Variants in LRFN2 observed in about 807,000 individuals in gnomAD.
The protein encoded by LRFN2 is leucine rich repeat and fibronectin type III domain containing 2.
LRFN2 carries 18 observed loss-of-function variants against 37.3 expected under a neutral mutation model. The observed-to-expected ratio is 0.48, with a 90% confidence interval of 0.33 to 0.72. LRFN2 has a LOEUF of 0.72. Ranked by LOEUF, LRFN2 falls within the 30% of genes least tolerant of loss-of-function variation. The pLI is 0.02. For missense variants in LRFN2, 1,006 were observed against 1,060.7 expected (o/e 0.95, Z 0.72); for synonymous variants, 556 against 466.6 (o/e 1.19, Z -2.47).
chr6:40,539,972 A>G (rs1257812561), intron 1 of LRFN2, among the ~76,000 whole-genome samples: 1 of 152,102 alleles, frequency 6.6e-6, no homozygotes, highest in African/African-American at 2.4e-5. Context: ...GAGAGAACAG[A>G]GGCTGTAATG....
chr6:40,432,868 G>T lies in LRFN2; in HGVS notation c.246C>A (p.Thr82=), dbSNP rs767578975. 6.2e-7 allele frequency: 1 copy of T among 1,614,118 alleles called. No individual in the cohort carries two copies. Among genetic ancestry groups the T allele is most frequent in the Admixed American group, 1.7e-5 (1 of 60,008 alleles). The change falls in exon 2 of 3, where the codon ACC becomes ACA. Residue 82 remains threonine (T), a synonymous_variant. Transcript: ENST00000338305. The part of the protein sequence containing the change: ...FANMTGLVDL[T]LSRNTISHIQ... ...TGTGGCTGATGGTGTTCCTGGACAG[G>T]GTCAGGTCCACCAGCCCCGTCATGT...
At chr6:40,520,298 A>G (rs1766021603) in intron 1 of LRFN2, among the ~76,000 whole-genome samples, 2 of 152,094 alleles carry the variant, frequency 1.3e-5, no homozygotes, top group South Asian at 4.2e-4. Flanking sequence ...GCTGGGAGAC[A>G]GGACAGGCAG....
chr6:40,514,040 C>G (rs1270986740), intron 1 of LRFN2, among the ~76,000 whole-genome samples: 1 of 151,740 alleles, frequency 6.6e-6, no homozygotes, highest in South Asian at 2.1e-4. Context: ...CAGCACTATC[C>G]AACCGGCTGG....
At chr6:40,584,751 G>A (rs943167168) in intron 1 of LRFN2, among the ~76,000 whole-genome samples, 1 of 151,782 alleles carries the variant, frequency 6.6e-6, no homozygotes, top group African/African-American at 2.4e-5. Context: ...AAGGAGAGCA[G>A]AACCTGCTCA....
Position 40,392,101 on chromosome 6 carries a change from C to A in LRFN2, c.2212G>T (p.Val738Leu). 1 of 1,613,284 alleles carries A rather than the reference C, an allele frequency of 6.2e-7. No homozygotes were observed. The highest frequency in any genetic ancestry group is 1.1e-5 in the South Asian group (1 of 90,968). ...CGAGGAGGACTGTAGCCGCCCGGCA[C>A]GACCCCTCCCGCCGCCGCAGCAGCA... ...DFAAAAAGGV[V>L]PGGYSPPRKV... The change falls in exon 3 of 3, where the codon GTG becomes TTG. Residue 738 changes from valine to leucine, a missense_variant. Val to Leu is a conservative substitution (Grantham distance 32). This residue lies in a region of LRFN2 where 398 missense variants were observed against 327.6 expected (regional missense o/e 1.21). Coordinates refer to ENST00000338305, the MANE Select transcript of LRFN2 (RefSeq NM_020737.3). The surrounding 1 kb of genome is among the most constrained non-coding windows in gnomAD (Gnocchi z 4.7).
chr6:40,518,921 A>G (rs1465078284), intron 1 of LRFN2, among the ~76,000 whole-genome samples: 1 of 152,174 alleles, frequency 6.6e-6, no homozygotes, highest in Non-Finnish European at 1.5e-5. Flanking sequence ...TTCCAGGCAG[A>G]GGAAATGGAA....
intron 1 of LRFN2, among the ~76,000 whole-genome samples, chr6:40,526,746 C>G (rs1309160639): frequency 6.6e-6 from 1 of 152,170 alleles, no homozygotes; most frequent in Non-Finnish European, 1.5e-5. Flanking sequence ...ATCTCTTGTC[C>G]CTGCACACCC....
intron 2 of LRFN2, among the ~76,000 whole-genome samples, chr6:40,430,890 T>C (rs1348192485): frequency 6.6e-6 from 1 of 152,082 alleles, no homozygotes; most frequent in East Asian, 1.9e-4. Context: ...GGGCTCTAAG[T>C]AGGCTCTAGG....
chr6:40,548,396 G>A (rs191598616), intron 1 of LRFN2, among the ~76,000 whole-genome samples: 2,657 of 151,070 alleles, frequency 0.018, 64 homozygotes, highest in African/African-American at 0.059. Context: ...AGCAGAGATC[G>A]TGCCATTGCA....
At chr6:40,529,421 T>G (rs556384600) in intron 1 of LRFN2, among the ~76,000 whole-genome samples, 1 of 152,366 alleles carries the variant, frequency 6.6e-6, no homozygotes, top group Non-Finnish European at 1.5e-5. Flanking sequence ...CCAAACTGCC[T>G]ACCATGCTAT....
Position 40,515,347 on chromosome 6 carries a change from C to T in LRFN2, c.-19+71594G>A, listed in dbSNP as rs190631680. ...ACCTGGTTCCTGAAAACAGCAGACCCAGGAGACAAAATGAGCAGAATACAT... is the reference window on the plus strand; with the variant it reads ...ACCTGGTTCCTGAAAACAGCAGACCTAGGAGACAAAATGAGCAGAATACAT... On this transcript the variant is annotated intron_variant, in intron 1 of 2. Transcript: ENST00000338305. 2.5e-3 allele frequency among the ~76,000 whole-genome samples: 378 copies of T among 152,260 alleles called. 4 individuals are homozygous for T. Among genetic ancestry groups the T allele is most frequent in the Admixed American group, 0.022 (343 of 15,310 alleles).
chr6:40,532,377 G>A (rs1766359564), intron 1 of LRFN2, among the ~76,000 whole-genome samples: 1 of 152,116 alleles, frequency 6.6e-6, no homozygotes, highest in Non-Finnish European at 1.5e-5. Flanking sequence ...TTTTATATTT[G>A]TTCAATTTAT....
chr6:40,410,061 A>G (rs1213225798), intron 2 of LRFN2, among the ~76,000 whole-genome samples: 1 of 152,160 alleles, frequency 6.6e-6, no homozygotes, highest in Non-Finnish European at 1.5e-5. Context: ...GACGACCTAT[A>G]GCAGGAGGTC....
chr6:40,403,242 C>T (rs1345639943), intron 2 of LRFN2, among the ~76,000 whole-genome samples: 1 of 152,170 alleles, frequency 6.6e-6, no homozygotes, highest in Non-Finnish European at 1.5e-5. Flanking sequence ...ATTACCAGTA[C>T]AAGTTGTACA....
chr6:40,453,115 T>C (rs1033013478), intron 1 of LRFN2, among the ~76,000 whole-genome samples: 1 of 152,182 alleles, frequency 6.6e-6, no homozygotes, highest in Non-Finnish European at 1.5e-5. Context: ...TGATCACTAT[T>C]GCAGGTAGAG....
chr6:40,491,175 C>T (rs897408567), intron 1 of LRFN2, among the ~76,000 whole-genome samples: 4 of 152,200 alleles, frequency 2.6e-5, no homozygotes, highest in African/African-American at 4.8e-5. Context: ...TGTGACATAC[C>T]GTCACCACGG....
At chr6:40,440,752 G>T (rs1763815932) in intron 1 of LRFN2, among the ~76,000 whole-genome samples, 1 of 152,154 alleles carries the variant, frequency 6.6e-6, no homozygotes, top group South Asian at 2.1e-4. Flanking sequence ...GTCTTCTACA[G>T]GCCCCTAGGA....
intron 2 of LRFN2, among the ~76,000 whole-genome samples, chr6:40,395,975 A>C (rs1762606507): frequency 6.6e-6 from 1 of 152,158 alleles, no homozygotes; most frequent in African/African-American, 2.4e-5. Flanking sequence ...CAGCCACCCC[A>C]GGTCACCAAA....
chr6:40,483,443 A>T (rs1764880124), intron 1 of LRFN2, among the ~76,000 whole-genome samples: 1 of 152,134 alleles, frequency 6.6e-6, no homozygotes, highest in South Asian at 2.1e-4. Context: ...GGGGAAGGTG[A>T]GGTGGGAGGT....
Sources: gnomAD v4.1 joint callset for allele counts (sites outside exome capture counted in the v4.1 genomes callset) on GRCh38, gnomAD v4.1.1 for gene constraint, gnomAD v4.1.1 regional missense constraint, Gnocchi (gnomAD v3.1) non-coding constraint, MANE v1.5 for transcripts, NCBI Gene and HGNC (gene_info 2026-07-23, HGNC 2026-07-21) for gene names.